The following TES variants were observed in gnomAD, a reference collection of about 807,000 sequenced individuals.
TES encodes testin.
Under a neutral mutation model 48.2 loss-of-function variants are expected in TES, and 41 were observed. That is an observed-to-expected ratio of 0.85 (90% confidence interval 0.66 to 1.10). The LOEUF (loss-of-function observed/expected upper bound fraction) is 1.10, where lower values mean the gene tolerates loss of function less well. TES is among the 50% of genes least tolerant of loss of function. The pLI is 0.00. For missense variants in TES, 463 were observed against 515.1 expected (o/e 0.90, Z 0.98); for synonymous variants, 162 against 174.9 (o/e 0.93, Z 0.58).
At chr7:116,236,456 CAG>C (rs1055647646) in intron 2 of TES, among the ~76,000 whole-genome samples, 55 of 152,152 alleles carry the variant, frequency 3.6e-4, no homozygotes, top group African/African-American at 1.1e-3. Flanking sequence ...GTATATGAAA[CAG>C]AAATTAATTT....
intron 6 of TES, among the ~76,000 whole-genome samples, chr7:116,253,640 T>C (rs529527565): frequency 1.3e-5 from 2 of 152,258 alleles, no homozygotes; most frequent in African/African-American, 4.8e-5. Context: ...TCACCATCAT[T>C]TTCTAGTTTA....
chr7:116,250,264 A>C lies in TES; in HGVS notation c.470A>C (p.His157Pro). The C allele has an allele frequency of 6.2e-7, 1 of 1,612,462 alleles. No individual in the cohort carries two copies. The highest frequency in any genetic ancestry group is 8.5e-7 in the Non-Finnish European group (1 of 1,179,296). Residue 157 changes from histidine to proline, a missense_variant, in exon 4 of 7, where the codon CAT (histidine) becomes CCT (proline). Physicochemically the swap from His to Pro is moderately conservative, Grantham distance 77. Transcript: ENST00000358204. Reference sequence around the variant, plus strand: ...CAGCTGGCAAAGCAGCTCCCTGCACATGACCAGGACCCTTCAAAGTGCCAT... The same window carrying C: ...CAGCTGGCAAAGCAGCTCCCTGCACCTGACCAGGACCCTTCAAAGTGCCAT... The part of the protein sequence containing the change: ...KKQLAKQLPA[H>P]DQDPSKCHEL...
At chr7:116,244,825 G>T (rs1031582054) in intron 2 of TES, among the ~76,000 whole-genome samples, 1 of 152,176 alleles carries the variant, frequency 6.6e-6, no homozygotes, top group Non-Finnish European at 1.5e-5. Flanking sequence ...CTAGGCAGAG[G>T]TTCCCAAACA....
At chr7:116,227,839 G>A (rs3807971) in intron 1 of TES, among the ~76,000 whole-genome samples, 18,196 of 151,936 alleles carry the variant, frequency 0.12, 1,092 homozygotes, top group South Asian at 0.19. Context: ...AGTAATGCTT[G>A]TTTAGTAACC....
chr7:116,226,789 G>A (rs955368922), intron 1 of TES, among the ~76,000 whole-genome samples: 6 of 152,150 alleles, frequency 3.9e-5, no homozygotes, highest in African/African-American at 1.4e-4. Context: ...AGCATCGTAA[G>A]CATGGCTAGA....
chr7:116,221,715 C>G (rs1799560228), intron 1 of TES, among the ~76,000 whole-genome samples: 1 of 152,174 alleles, frequency 6.6e-6, no homozygotes, highest in African/African-American at 2.4e-5. Flanking sequence ...TGTACTGAAA[C>G]TGCTCTAATT....
At chr7:116,257,173 G>A (rs1476222333) in intron 6 of TES, 121 bp from the exon 7 acceptor site, 1 of 1,091,528 alleles carries the variant, frequency 9.2e-7, no homozygotes, top group Non-Finnish European at 1.3e-6. Context: ...CCTCCATTGT[G>A]TATTTCTGAG....
intron 1 of TES, among the ~76,000 whole-genome samples, chr7:116,219,764 A>G (rs986045593): frequency 6.6e-6 from 1 of 152,158 alleles, no homozygotes; most frequent in African/African-American, 2.4e-5. Context: ...GGACAGTTGA[A>G]TGTAGGGGCT....
intron 1 of TES, among the ~76,000 whole-genome samples, chr7:116,232,024 T>C (rs554766900): frequency 2.6e-5 from 4 of 152,306 alleles, no homozygotes; most frequent in African/African-American, 7.2e-5. Flanking sequence ...TGTAAGTCAG[T>C]AGCGAGCTAC....
chr7:116,252,225 A>T, intron 5 of TES, 93 bp from the exon 6 acceptor site: 1 of 1,363,844 alleles, frequency 7.3e-7, no homozygotes, highest in African/African-American at 1.5e-5. Context: ...TTAGGTTATC[A>T]TTTTCAAACT....
At chr7:116,236,363 C>A (rs1227919988) in intron 2 of TES, among the ~76,000 whole-genome samples, 5 of 152,076 alleles carry the variant, frequency 3.3e-5, no homozygotes, top group Non-Finnish European at 5.9e-5. Flanking sequence ...AGGTTGCATT[C>A]AAAAATGCAT....
At chr7:116,225,517 C>T (rs1309186376) in intron 1 of TES, among the ~76,000 whole-genome samples, 1 of 152,104 alleles carries the variant, frequency 6.6e-6, no homozygotes, top group Non-Finnish European at 1.5e-5. Flanking sequence ...CACTTGTTTC[C>T]TTTTCATTCC....
intron 1 of TES, among the ~76,000 whole-genome samples, chr7:116,231,579 G>C (rs1488343706): frequency 6.6e-6 from 1 of 152,154 alleles, no homozygotes; most frequent in African/African-American, 2.4e-5. Flanking sequence ...TCCAGGTCAT[G>C]GGCAGATTCA....
chr7:116,213,745 CAG>C (rs1257910683), intron 1 of TES, among the ~76,000 whole-genome samples: 1 of 152,232 alleles, frequency 6.6e-6, no homozygotes, highest in African/African-American at 2.4e-5. Context: ...TACTTTAGAA[CAG>C]AATTGATTCT....
intron 1 of TES, 74 bp downstream of exon 1, chr7:116,210,808 C>T: frequency 1.7e-6 from 2 of 1,207,018 alleles, no homozygotes; most frequent in East Asian, 3.4e-5. Context: ...GCCGGAGGTG[C>T]CGAGGTGGGT....
At chr7:116,229,416 G>T (rs963494433) in intron 1 of TES, among the ~76,000 whole-genome samples, 18 of 152,144 alleles carry the variant, frequency 1.2e-4, no homozygotes, top group Non-Finnish European at 2.9e-5. Flanking sequence ...GAGATGAGAA[G>T]AATTCTGGGT....
At chr7:116,253,141 A>C (rs1800043416) in intron 6 of TES, among the ~76,000 whole-genome samples, 1 of 152,214 alleles carries the variant, frequency 6.6e-6, no homozygotes, top group African/African-American at 2.4e-5. Context: ...ATCCAAATAG[A>C]CATTTACTTC....
chr7:116,234,929 G>A (rs1415903359), intron 2 of TES, among the ~76,000 whole-genome samples: 2 of 151,890 alleles, frequency 1.3e-5, no homozygotes, highest in Admixed American at 6.6e-5. Context: ...AATCCTCCAG[G>A]ACTGTTTAAT....
At chr7:116,228,016 T>G (rs1268423308) in intron 1 of TES, among the ~76,000 whole-genome samples, 1 of 140,678 alleles carries the variant, frequency 7.1e-6, no homozygotes, top group Non-Finnish European at 1.5e-5. Flanking sequence ...TTGTTTTTTT[T>G]TTTTTGTTTT....
Sources: gnomAD v4.1 joint callset for allele counts (sites outside exome capture counted in the v4.1 genomes callset) on GRCh38, gnomAD v4.1.1 for gene constraint, MANE v1.5 for transcripts, NCBI Gene and HGNC (gene_info 2026-07-23, HGNC 2026-07-21) for gene names.